The following DBH variants were observed in gnomAD, a reference collection of about 807,000 sequenced individuals.
DBH encodes dopamine beta-hydroxylase.
DBH carries 49 observed loss-of-function variants against 64.0 expected under a neutral mutation model. That is an observed-to-expected ratio of 0.77 (90% CI 0.61 to 0.97). DBH has a LOEUF of 0.97. DBH is among the 50% of genes least tolerant of loss of function. The probability of loss-of-function intolerance (pLI) is 0.00; values close to 1 mark genes in which losing one functional copy is unlikely to be tolerated. For synonymous variants in DBH, 343 were observed against 347.1 expected, an observed-to-expected ratio of 0.99 and a Z score of 0.13; for missense variants, 828 against 826.6, an observed-to-expected ratio of 1.00 and a Z score of -0.02.
At chr9:133,657,407 AG>A (rs1477768893) in intron 11 of DBH, 178 bp downstream of exon 11, 9 of 429,442 alleles carry the variant, frequency 2.1e-5, no homozygotes, top group African/African-American at 6.4e-5. Context: ...GCAGAGAGAG[AG>A]GAGAGAGGAG....
intron 9 of DBH, among the ~76,000 whole-genome samples, chr9:133,654,197 G>A (rs1213414930): frequency 1.3e-5 from 2 of 151,912 alleles, no homozygotes; most frequent in East Asian, 1.9e-4. Context: ...TCCACCTCCC[G>A]AGTTCAACCG....
chr9:133,658,105 GTTCC>G (rs1283567939), intron 11 of DBH, among the ~76,000 whole-genome samples: 3 of 151,478 alleles, frequency 2.0e-5, no homozygotes, highest in African/African-American at 7.3e-5. Flanking sequence ...TGACTCCCAG[GTTCC>G]TGACTAGGTG....
At position 133,658,894 on chromosome 9, in the gene DBH, A is replaced by G. The variant is rs966979391; in HGVS notation, c.*447A>G. The G allele has an allele frequency of 6.5e-6, 1 of 153,280 alleles. No homozygotes were observed. Among genetic ancestry groups the G allele is most frequent in the African/African-American group, 2.4e-5 (1 of 41,352 alleles). The allele number at this position is 153,280 out of a possible 1,614,324, so 9.5% of individuals were successfully genotyped here. A position where few individuals can be genotyped will look rare whatever the true frequency, so the allele number is the denominator to read the frequency against. On this transcript the variant is annotated 3_prime_UTR_variant, in exon 12 of 12. Transcript: ENST00000393056. ...CAGCGGGTGCGGGTGCCGCTTAAACATTTCCCTGCTGAGTGGCTCGTGTTT... is the reference window on the plus strand; with the variant it reads ...CAGCGGGTGCGGGTGCCGCTTAAACGTTTCCCTGCTGAGTGGCTCGTGTTT...
rs746061650 is a variant in DBH at position 133,636,393 on chromosome 9, G to T, written c.22G>T (p.Ala8Ser). The change falls in exon 1 of 12, where the codon GCC becomes TCC. Residue 8 changes from alanine (A) to serine (S), a missense_variant. Ala to Ser is a moderately conservative substitution (Grantham distance 99, BLOSUM62 1). Coordinates refer to ENST00000393056, the MANE Select transcript of DBH (RefSeq NM_000787.4). ...AGCCATGCCCGCCCTCAGTCGCTGG[G>T]CCAGCCTGCCCGGCCCCAGCATGCG... MPALSRW[A>S]SLPGPSMREA... The T allele has an allele frequency of 1.2e-6, 2 of 1,610,658 alleles. No individual in the cohort carries two copies. The highest frequency in any genetic ancestry group is 1.1e-5 in the South Asian group (1 of 91,074).
At position 133,636,701 on chromosome 9, in the gene DBH, C is replaced by T; in HGVS notation, c.330C>T (p.Ala110=). The T allele has an allele frequency of 1.9e-6, 3 of 1,602,346 alleles. No homozygotes were observed. The highest frequency in any genetic ancestry group is 2.2e-5 in the South Asian group (2 of 91,072). The change falls in exon 1 of 12, where the codon GCC becomes GCT. Residue 110 remains alanine, a synonymous_variant. Coordinates refer to ENST00000393056, the MANE Select transcript of DBH (RefSeq NM_000787.4). ...LVVLWTDGDT[A]YFADAWSDQK... ...TGCTCTGGACCGATGGGGACACTGC[C>T]TATTTTGCGGTGAGTCTCTCCTCCC...
intron 5 of DBH, among the ~76,000 whole-genome samples, chr9:133,646,299 G>A (rs1832180203): frequency 6.7e-6 from 1 of 150,196 alleles, no homozygotes; most frequent in African/African-American, 2.5e-5. Context: ...AGAGCCTCCT[G>A]CTGCACAGCC....
chr9:133,643,310 C>A lies in DBH; in HGVS notation c.745-103C>A. On this transcript the variant is annotated intron_variant, in intron 3 of 11. Transcript: ENST00000393056. The surrounding 1 kb of genome is among the most constrained non-coding windows in gnomAD (Gnocchi z 5.3). The stretch of plus-strand genomic sequence containing the variant: ...GCCCCTGAAATTGTCTGGATCATCC[C>A]TCCCATTTTACAGATGGGCATTCGG... The A allele has an allele frequency of 8.0e-7, 1 of 1,246,394 alleles. No individual in the cohort carries two copies. The allele number at this position is 1,246,394 out of a possible 1,614,324, so 77.2% of individuals were successfully genotyped here.
At chr9:133,644,173 C>A in intron 4 of DBH, 45 bp from the exon 5 acceptor site, 1 of 1,461,104 alleles carries the variant, frequency 6.8e-7, no homozygotes, top group Non-Finnish European at 9.6e-7. Context: ...AGACCTGGGG[C>A]CCTCTCAGGA....
At chr9:133,646,486 G>A (rs1056889738) in intron 5 of DBH, among the ~76,000 whole-genome samples, 1 of 152,144 alleles carries the variant, frequency 6.6e-6, no homozygotes, top group Non-Finnish European at 1.5e-5. Flanking sequence ...GATGACACCT[G>A]GTTGTGAGGA....
intron 1 of DBH, among the ~76,000 whole-genome samples, chr9:133,639,219 C>A (rs534188862): frequency 2.5e-5 from 3 of 119,054 alleles, no homozygotes; most frequent in African/African-American, 6.9e-5. Flanking sequence ...ATAGCGAGAC[C>A]CTATCTCAAA....
At chr9:133,640,479 G>A (rs1314785481) in intron 2 of DBH, among the ~76,000 whole-genome samples, 2 of 152,204 alleles carry the variant, frequency 1.3e-5, no homozygotes, top group Non-Finnish European at 2.9e-5. Context: ...TGATCTGTAT[G>A]GCCTGACCAA....
chr9:133,645,509 T>C (rs1228587645), intron 5 of DBH, among the ~76,000 whole-genome samples: 4 of 152,228 alleles, frequency 2.6e-5, no homozygotes, highest in African/African-American at 9.7e-5. Flanking sequence ...GATGGGCTGC[T>C]TTTCTATAAA....
In DBH at chr9:133,653,058, C is replaced by A. The variant is rs118161858; in HGVS notation, c.1434+59C>A. The A allele has an allele frequency of 9.3e-5, 126 of 1,347,814 alleles. No homozygotes were observed. The East Asian group carries it at 2.9e-3, about 31-fold the overall frequency. The allele number at this position is 1,347,814 out of a possible 1,614,324, so 83.5% of individuals were successfully genotyped here. A position where few individuals can be genotyped will look rare whatever the true frequency, so the allele number is the denominator to read the frequency against. On this transcript the variant is annotated intron_variant, in intron 9 of 11. Coordinates refer to ENST00000393056, the MANE Select transcript of DBH (RefSeq NM_000787.4). Reference sequence around the variant, plus strand: ...AGGGCGAGTGTTCAGCCTGAGCCATCTGAGGAAGGATGACAGGTCTTGACT... The same window carrying A: ...AGGGCGAGTGTTCAGCCTGAGCCATATGAGGAAGGATGACAGGTCTTGACT...
chr9:133,637,056 C>T (rs1411776616), intron 1 of DBH, among the ~76,000 whole-genome samples: 1 of 152,216 alleles, frequency 6.6e-6, no homozygotes, highest in Non-Finnish European at 1.5e-5. Flanking sequence ...ACCCCACGAC[C>T]CTCGGCCCTG....
chr9:133,647,848 C>G lies in DBH; in HGVS notation c.1027C>G (p.Arg343Gly). 6.2e-7 allele frequency: 1 copy of G among 1,614,206 alleles called. No individual in the cohort carries two copies. The highest frequency in any genetic ancestry group is 8.5e-7 in the Non-Finnish European group (1 of 1,180,028). The change falls in exon 6 of 12, where the codon CGA becomes GGA. Residue 343 changes from arginine (R) to glycine (G), a missense_variant and splice_region_variant. Transcript: ENST00000393056. ...HYHNPLVIEG[R>G]NDSSGIRLYY... is the part of the protein sequence containing the mutation. ...CCATCCATCCCACCTTCTCCCAGGA[C>G]GAAACGACTCCTCAGGCATCCGCTT...
chr9:133,639,800 C>T (rs766234884), intron 1 of DBH, 46 bp from the exon 2 acceptor site: 8 of 1,588,666 alleles, frequency 5.0e-6, no homozygotes, highest in Middle Eastern at 2.1e-4. Context: ...GTGGATTGGC[C>T]CGGCTTGGCT....
intron 11 of DBH, 60 bp downstream of exon 11, chr9:133,657,289 G>T (rs918674851): frequency 3.1e-6 from 5 of 1,601,296 alleles, no homozygotes; most frequent in Non-Finnish European, 4.3e-6. Flanking sequence ...GGGGGCCCCA[G>T]TGAGGGGTGA....
rs766136506 is a variant in DBH at position 133,657,046 on chromosome 9, C to T, written c.1563-24C>T. 6 of 1,613,576 alleles carry T rather than the reference C, an allele frequency of 3.7e-6. No individual in the cohort carries two copies. The East Asian group carries it at 8.9e-5, about 24-fold the overall frequency. ...CCCTGCCCGTCAGCTGCTCCCCAGCCTGGCTGTTCCTTGTCCCCACCAGGT... is the reference window on the plus strand; with the variant it reads ...CCCTGCCCGTCAGCTGCTCCCCAGCTTGGCTGTTCCTTGTCCCCACCAGGT... On this transcript the variant is annotated intron_variant, in intron 10 of 11. Transcript: ENST00000393056.
Position 133,651,806 on chromosome 9 carries a change from GC to G in DBH, c.1335+34del, listed in dbSNP as rs1190720926. On this transcript the variant is annotated intron_variant, in intron 7 of 11. Transcript: ENST00000393056. ...GGAACCTGCACCCCACCCCTGCCCC[GC>G]CCCCACACCCTGCCACCACACGACC... 5.5e-6 allele frequency: 5 copies of G among 910,182 alleles called. No individual in the cohort carries two copies. The African/African-American group carries it at 1.4e-4, about 26-fold the overall frequency. 56.4% of individuals were successfully genotyped at this position (910,182 alleles called of 1,614,324 possible).
Sources: gnomAD v4.1 joint callset for allele counts (sites outside exome capture counted in the v4.1 genomes callset) on GRCh38, gnomAD v4.1.1 for gene constraint, Gnocchi (gnomAD v3.1) non-coding constraint, MANE v1.5 for transcripts, NCBI Gene and HGNC (gene_info 2026-07-23, HGNC 2026-07-21) for gene names.